DDX17: variants seen among roughly 807,000 people sequenced by gnomAD.
The protein encoded by DDX17 is probable ATP-dependent RNA helicase DDX17.
In DDX17, 10 loss-of-function variants were observed where a neutral mutation model predicts 80.8. The observed-to-expected ratio is 0.12, with a 90% CI of 0.08 to 0.21. The LOEUF is 0.21. DDX17 is among the 10% of genes least tolerant of loss of function. DDX17 has a pLI of 1.00. For synonymous variants in DDX17, 339 were observed against 336.2 expected (o/e 1.01, Z -0.09); for missense variants, 586 against 957.4 (o/e 0.61, Z 5.12).
rs756890467 is a variant in DDX17, at chr22:38,495,948, C to G, written c.739-11G>C. 1 of 1,213,328 alleles carries G rather than the reference C, an allele frequency of 8.2e-7. No individual in the cohort carries two copies. Among genetic ancestry groups the G allele is most frequent in the South Asian group, 1.8e-5 (1 of 54,184 alleles). 75.2% of individuals were successfully genotyped at this position (1,213,328 alleles called of 1,614,324 possible). ...AGCCAGAACTAGACACTGAAACCAA[C>G]AAAAAGACACTTGAGACCTCATCCA... On this transcript the variant is annotated splice_polypyrimidine_tract_variant and intron_variant, in intron 5 of 12. Transcript: ENST00000403230.
At chr22:38,488,814 C>T (rs917055286) in intron 11 of DDX17, 1 of 985,310 alleles carries the variant, frequency 1.0e-6, no homozygotes, top group African/African-American at 1.7e-5. Context: ...TACTGTACTA[C>T]CAAGCCCAGC....
intron 3 of DDX17, 136 bp from the exon 4 acceptor site, chr22:38,498,709 T>C (rs1005477288): frequency 3.3e-6 from 3 of 901,810 alleles, no homozygotes; most frequent in African/African-American, 1.7e-5. Flanking sequence ...CTTTATCTAC[T>C]AGATCTCCGA....
Position 38,489,143 on chromosome 22 carries a change from A to G in DDX17, c.1448-1028T>C, listed in dbSNP as rs1602671755. 1.0e-6 allele frequency: 1 copy of G among 984,812 alleles called. No individual in the cohort carries two copies. Among genetic ancestry groups the G allele is most frequent in the Non-Finnish European group, 1.2e-6 (1 of 829,270 alleles). 61.0% of individuals were successfully genotyped at this position (984,812 alleles called of 1,614,324 possible). ...TTGTGGAAAAAAATCTGCATTTTAC[A>G]AAGAATATTCAGAAAATATCCTAGA... On this transcript the variant is annotated intron_variant, in intron 11 of 12. Transcript: ENST00000403230. The surrounding 1 kb of genome is among the most constrained non-coding windows in gnomAD (Gnocchi z 4.6).
At chr22:38,492,165 G>T in intron 10 of DDX17, 50 bp from the exon 11 acceptor site, 2 of 1,494,356 alleles carry the variant, frequency 1.3e-6, no homozygotes, top group Non-Finnish European at 1.8e-6. Context: ...CTTGCTATCT[G>T]ATCTGTTTAC....
At chr22:38,490,497 C>G (rs1347652187) in intron 11 of DDX17, 1 of 1,220,126 alleles carries the variant, frequency 8.2e-7, no homozygotes, top group Admixed American at 2.7e-5. Context: ...GTAGTTCAAA[C>G]AAAAAAAAGG....
intron 11 of DDX17, chr22:38,490,567 A>G (rs2089704015): frequency 1.4e-6 from 1 of 725,036 alleles, no homozygotes; most frequent in Non-Finnish European, 2.0e-6. Context: ...CTATTATAAA[A>G]TTATGGGAAT....
intron 1 of DDX17, among the ~76,000 whole-genome samples, chr22:38,503,845 G>A (rs953427178): frequency 6.6e-6 from 1 of 152,182 alleles, no homozygotes; most frequent in South Asian, 2.1e-4. Context: ...CTTCAACTGT[G>A]TAACACTCAG....
Position 38,488,096 on chromosome 22 carries a change from A to G in DDX17, c.1467T>C (p.Phe489=), listed in dbSNP as rs2089678304. 1 of 1,614,080 alleles carries G rather than the reference A, an allele frequency of 6.2e-7. No individual in the cohort carries two copies. Among genetic ancestry groups the G allele is most frequent in the Non-Finnish European group, 8.5e-7 (1 of 1,180,048 alleles). ...TGTTTGGATAGTCATAGTTGATCAC[A>G]AACTTGACATCTTCCACATCTTCCA... The change falls in exon 12 of 13, where the codon TTT becomes TTC. Residue 489 remains phenylalanine, a synonymous_variant. Coordinates refer to ENST00000403230, the MANE Select transcript of DDX17 (RefSeq NM_006386.5).
chr22:38,485,946 AAGGAGGAGGAGGGGG>A lies in DDX17; in HGVS notation c.2164_2178del (p.Pro722_Pro726del). ...CCACTTGAGTGGTTTCATTTACGTG[AAGGAGGAGGAGGGGG>A]AGGAGGAGGAGGGTATTGGTAGGCA... is the stretch of plus-strand genomic sequence containing the variant. On this transcript the variant is annotated inframe_deletion, in exon 13 of 13. Coordinates refer to ENST00000403230, the MANE Select transcript of DDX17 (RefSeq NM_006386.5). 3.1e-6 allele frequency: 5 copies of A among 1,613,360 alleles called. No homozygotes were observed. The highest frequency in any genetic ancestry group is 4.2e-6 in the Non-Finnish European group (5 of 1,179,832).
At chr22:38,498,351 C>G (rs1204133803) in intron 4 of DDX17, 89 bp downstream of exon 4, 1 of 1,553,156 alleles carries the variant, frequency 6.4e-7, no homozygotes, top group Non-Finnish European at 8.8e-7. Flanking sequence ...ATCTGAATGG[C>G]ACTTCTACGA....
chr22:38,489,639 CTGT>C lies in DDX17; in HGVS notation c.1448-1527_1448-1525del. 1.0e-6 allele frequency: 1 copy of C among 984,906 alleles called. No homozygotes were observed. The highest frequency in any genetic ancestry group is 4.7e-5 in the South Asian group (1 of 21,258). The allele number at this position is 984,906 out of a possible 1,614,324, so 61.0% of individuals were successfully genotyped here. ...GGGGAGATTAAAAAAAAAAAATTAGCTGTTGTTACAGGGCTTGTGAAGAAGGGG... is the reference window on the plus strand; with the variant it reads ...GGGGAGATTAAAAAAAAAAAATTAGCTGTTACAGGGCTTGTGAAGAAGGGG... On this transcript the variant is annotated intron_variant, in intron 11 of 12. Coordinates refer to ENST00000403230, the MANE Select transcript of DDX17 (RefSeq NM_006386.5). The surrounding 1 kb of genome is among the most constrained non-coding windows in gnomAD (Gnocchi z 4.6).
At chr22:38,505,816 T>C (rs2089876296) in intron 1 of DDX17, 135 bp downstream of exon 1, 2 of 1,165,118 alleles carry the variant, frequency 1.7e-6, no homozygotes, top group African/African-American at 3.2e-5. Context: ...ACGAAACCGC[T>C]GTCTCGCCTC....
Position 38,502,512 on chromosome 22 carries a change from T to C in DDX17, c.288-1232A>G, listed in dbSNP as rs75954656. ...TCCTTCTTGTTCCCAAATGGTATTA[T>C]TAATTTACAGAGAAAAAAACACTAA... On this transcript the variant is annotated intron_variant, in intron 1 of 12. Coordinates refer to ENST00000403230, the MANE Select transcript of DDX17 (RefSeq NM_006386.5). Among the ~76,000 whole-genome samples, 15 of 150,886 alleles carry C rather than the reference T, an allele frequency of 9.9e-5. No individual in the cohort carries two copies. In the East Asian group the frequency reaches 2.9e-3, roughly 30 times the overall value.
At chr22:38,505,681 C>G (rs961943789) in intron 1 of DDX17, 8 of 439,822 alleles carry the variant, frequency 1.8e-5, no homozygotes, top group Non-Finnish European at 2.8e-5. Context: ...CCGCCCCTCC[C>G]GATCCCCCGC....
intron 11 of DDX17, 21 bp from the exon 12 acceptor site, chr22:38,488,136 C>A (rs1212397914): frequency 6.2e-7 from 1 of 1,613,880 alleles, no homozygotes; most frequent in East Asian, 2.2e-5. Flanking sequence ...AATGATGAGT[C>A]AGTGTGTAGG....
intron 11 of DDX17, 168 bp downstream of exon 11, chr22:38,491,885 TGTG>T (rs1030604673): frequency 5.0e-6 from 2 of 397,066 alleles, no homozygotes; most frequent in Non-Finnish European, 8.2e-6. Flanking sequence ...TAAAAAAAAT[TGTG>T]GGGGGGGCAG....
chr22:38,497,561 T>C (rs1289962284), intron 5 of DDX17, among the ~76,000 whole-genome samples: 1 of 133,470 alleles, frequency 7.5e-6, no homozygotes, highest in East Asian at 2.1e-4. Context: ...GAGGTTGCAG[T>C]GAGCTGAGAT....
At chr22:38,501,817 G>A (rs769488402) in intron 1 of DDX17, among the ~76,000 whole-genome samples, 8 of 152,130 alleles carry the variant, frequency 5.3e-5, no homozygotes, top group East Asian at 1.9e-4. Flanking sequence ...AGTATGTATC[G>A]GCTACTGTTT....
In DDX17 at chr22:38,495,853, T is replaced by A; in HGVS notation, c.823A>T (p.Ser275Cys). 6.2e-7 allele frequency: 1 copy of A among 1,612,222 alleles called. No homozygotes were observed. The highest frequency in any genetic ancestry group is 8.5e-7 in the Non-Finnish European group (1 of 1,179,118). Reference sequence around the variant, plus strand: ...GGAGCACCTCCATAAATACAAGTACTCTTCAATCTAGAACATTTGCCATAG... The same window carrying A: ...GGAGCACCTCCATAAATACAAGTACACTTCAATCTAGAACATTTGCCATAG... Residue 275 changes from serine to cysteine, a missense_variant, in exon 6 of 13, where the codon AGT becomes TGT. By Grantham distance (112) the Ser-to-Cys change is moderately radical. Coordinates refer to ENST00000403230, the MANE Select transcript of DDX17 (RefSeq NM_006386.5).
Sources: allele counts gnomAD v4.1 joint callset (sites outside exome capture counted in the v4.1 genomes callset), GRCh38; gene constraint gnomAD v4.1.1; non-coding constraint Gnocchi (gnomAD v3.1); transcripts MANE v1.5; gene names NCBI Gene and HGNC (gene_info 2026-07-23, HGNC 2026-07-21).